Variants in NPAS2 observed in about 807,000 individuals in gnomAD.
NPAS2 encodes the protein neuronal PAS domain protein 2, also known as neuronal PAS domain-containing protein 2.
In NPAS2, 23 loss-of-function variants were observed where a neutral mutation model predicts 107.5. The ratio of observed to expected loss-of-function variants is 0.21; its 90% CI spans 0.15 to 0.30. The LOEUF is 0.30. NPAS2 is among the 10% of genes least tolerant of loss of function. NPAS2 has a pLI of 1.00. For missense variants in NPAS2, 756 were observed against 1,043.3 expected (o/e 0.72, Z 3.79); for synonymous variants, 403 against 417.5 (o/e 0.97, Z 0.42).
rs143782519 is a variant in NPAS2, at chr2:100,876,188, G to A, written c.-22-28545G>A. Among the ~76,000 whole-genome samples the A allele has an allele frequency of 3.5e-4, 54 of 152,302 alleles. 1 individual carries two copies. The highest frequency in any genetic ancestry group is 9.8e-4 in the Admixed American group (15 of 15,300). ...TCTGTTCCTCTCTTCCCCGTAGCTGGTATTTGTAGTGACACCTGGGAGCCA... is the reference window on the plus strand; with the variant it reads ...TCTGTTCCTCTCTTCCCCGTAGCTGATATTTGTAGTGACACCTGGGAGCCA... On this transcript the variant is annotated intron_variant, in intron 1 of 20. Coordinates refer to ENST00000335681, the MANE Select transcript of NPAS2 (RefSeq NM_002518.4).
At chr2:100,854,217 C>G (rs1018007451) in intron 1 of NPAS2, among the ~76,000 whole-genome samples, 22 of 149,996 alleles carry the variant, frequency 1.5e-4, no homozygotes, top group African/African-American at 5.1e-4. Flanking sequence ...GGCTGGTGAC[C>G]TCTCTGTGGC....
Position 100,924,616 on chromosome 2 carries a change from C to G in NPAS2, c.33-530C>G, listed in dbSNP as rs550290514. The stretch of plus-strand genomic sequence containing the variant: ...GTCATACCTCTGCCCTGGGTCTGTA[C>G]AGCCCTGGCTGTTGTAGGCAGGGTG... On this transcript the variant is annotated intron_variant, in intron 2 of 20. Transcript: ENST00000335681. Among the ~76,000 whole-genome samples, 7 of 152,352 alleles carry G rather than the reference C, an allele frequency of 4.6e-5. No homozygotes were observed. In the South Asian group the frequency reaches 1.2e-3, roughly 27 times the overall value.
At chr2:100,980,333 C>T (rs994266595) in intron 15 of NPAS2, among the ~76,000 whole-genome samples, 2 of 152,194 alleles carry the variant, frequency 1.3e-5, no homozygotes, top group African/African-American at 2.4e-5. Flanking sequence ...TCGTTAAATA[C>T]TTGGAATAGC....
chr2:100,954,749 C>A (rs1189040910), intron 7 of NPAS2, among the ~76,000 whole-genome samples: 1 of 133,720 alleles, frequency 7.5e-6, no homozygotes, highest in Non-Finnish European at 1.7e-5. Context: ...TACAACTTCT[C>A]CAACTCCAAG....
Position 100,990,342 on chromosome 2 carries a change from A to G in NPAS2, c.1914A>G (p.Thr638=). Reference sequence around the variant, plus strand: ...TAGTGTCCCCGTTCAGCAGCGCCACAGCTGCGCTCCCGCCAAGTCTGAATC... The same window carrying G: ...TAGTGTCCCCGTTCAGCAGCGCCACGGCTGCGCTCCCGCCAAGTCTGAATC... ...SSLVSPFSSA[T]AALPPSLNLT... Residue 638 remains threonine (T), a synonymous_variant, in exon 18 of 21, where the codon ACA becomes ACG. Coordinates refer to ENST00000335681, the MANE Select transcript of NPAS2 (RefSeq NM_002518.4). 6.8e-6 allele frequency: 11 copies of G among 1,614,170 alleles called. No homozygotes were observed. Among genetic ancestry groups the G allele is most frequent in the Non-Finnish European group, 8.5e-6 (10 of 1,180,020 alleles).
chr2:100,855,876 A>G (rs2104501727), intron 1 of NPAS2, among the ~76,000 whole-genome samples: 1 of 152,288 alleles, frequency 6.6e-6, no homozygotes, highest in African/African-American at 2.4e-5. Context: ...AAAGTGCACA[A>G]TGCCTAGTAC....
At chr2:100,934,755 G>T (rs1684191526) in intron 4 of NPAS2, 1 of 984,628 alleles carries the variant, frequency 1.0e-6, no homozygotes, top group Admixed American at 6.1e-5. Context: ...CCCAGCTGTG[G>T]TTGGGGGAGA....
At chr2:100,960,907 G>C (rs972213030) in intron 7 of NPAS2, among the ~76,000 whole-genome samples, 2 of 152,292 alleles carry the variant, frequency 1.3e-5, no homozygotes, top group African/African-American at 2.4e-5. Context: ...GGTGGAGACA[G>C]AGAATGAGCC....
intron 2 of NPAS2, among the ~76,000 whole-genome samples, chr2:100,919,009 T>G (rs1228041501): frequency 1.3e-5 from 2 of 152,230 alleles, no homozygotes; most frequent in Admixed American, 1.3e-4. Context: ...AATGGGTGAA[T>G]GCATAAACCG....
chr2:100,971,432 A>G (rs926670828), intron 12 of NPAS2, among the ~76,000 whole-genome samples: 5 of 152,168 alleles, frequency 3.3e-5, no homozygotes, highest in Admixed American at 1.3e-4. Flanking sequence ...TCCACAGATA[A>G]GACACTGGGG....
Position 100,996,145 on chromosome 2 carries a change from G to T in NPAS2, c.*563G>T, listed in dbSNP as rs975743067. The T allele has an allele frequency of 1.1e-4, 33 of 314,218 alleles. No individual in the cohort carries two copies. The highest frequency in any genetic ancestry group is 1.2e-3 in the Middle Eastern group (1 of 836). The allele number at this position is 314,218 out of a possible 1,614,324, so 19.5% of individuals were successfully genotyped here. A position where few individuals can be genotyped will look rare whatever the true frequency, so the allele number is the denominator to read the frequency against. On this transcript the variant is annotated 3_prime_UTR_variant, in exon 21 of 21. Coordinates refer to ENST00000335681, the MANE Select transcript of NPAS2 (RefSeq NM_002518.4). ...TTTAAAAAAATAATAAGGTCTCATG[G>T]CTTCATTTAGAGACCACAGTAACAA... is the stretch of plus-strand genomic sequence containing the variant.
chr2:100,874,016 T>C (rs997797203), intron 1 of NPAS2, among the ~76,000 whole-genome samples: 11 of 151,054 alleles, frequency 7.3e-5, no homozygotes, highest in African/African-American at 2.7e-4. Flanking sequence ...GTCTTGCTCT[T>C]GTTGCCCAGG....
intron 1 of NPAS2, among the ~76,000 whole-genome samples, chr2:100,833,973 G>T (rs1676898093): frequency 1.3e-5 from 2 of 152,236 alleles, no homozygotes; most frequent in South Asian, 4.2e-4. Context: ...TGGTTAATAA[G>T]CTGGTTTTGA....
chr2:100,936,226 G>A (rs1684289630), intron 4 of NPAS2, among the ~76,000 whole-genome samples: 1 of 152,128 alleles, frequency 6.6e-6, no homozygotes, highest in South Asian at 2.1e-4. Flanking sequence ...ACTGCTCGTG[G>A]CCTCTTCCGG....
chr2:100,919,268 G>A (rs1213481931), intron 2 of NPAS2, among the ~76,000 whole-genome samples: 3 of 152,160 alleles, frequency 2.0e-5, no homozygotes, highest in Non-Finnish European at 4.4e-5. Flanking sequence ...GCTCTCTCTC[G>A]TCTTGATGGT....
intron 1 of NPAS2, among the ~76,000 whole-genome samples, chr2:100,827,530 T>A (rs553905715): frequency 2.6e-5 from 4 of 152,156 alleles, no homozygotes; most frequent in Admixed American, 6.5e-5. Context: ...TCAGTCCTTA[T>A]CCCCTGGCTC....
At chr2:100,988,037 C>G (rs372570729) in intron 16 of NPAS2, 42 bp from the exon 17 acceptor site, 6 of 1,603,558 alleles carry the variant, frequency 3.7e-6, no homozygotes, top group Non-Finnish European at 5.1e-6. Flanking sequence ...TGGTGAGGTA[C>G]CCATGACCCC....
chr2:100,943,036 A>T (rs1278458253), intron 5 of NPAS2, among the ~76,000 whole-genome samples: 1 of 152,110 alleles, frequency 6.6e-6, no homozygotes, highest in Non-Finnish European at 1.5e-5. Context: ...GTGTTTCCTG[A>T]TGAACGTTTG....
At chr2:100,978,349 C>A (rs1444088517) in intron 15 of NPAS2, among the ~76,000 whole-genome samples, 2 of 152,024 alleles carry the variant, frequency 1.3e-5, no homozygotes, top group Admixed American at 6.6e-5. Context: ...TTTTTTAATT[C>A]TTTTAACAGT....
Sources: allele counts gnomAD v4.1 joint callset (sites outside exome capture counted in the v4.1 genomes callset), GRCh38; gene constraint gnomAD v4.1.1; transcripts MANE v1.5; gene names NCBI Gene and HGNC (gene_info 2026-07-23, HGNC 2026-07-21).